TTLL6: variants seen among roughly 807,000 people sequenced by gnomAD.
TTLL6 encodes tubulin tyrosine ligase like 6.
A neutral mutation model predicts 96.4 loss-of-function variants in TTLL6; 75 were observed. The observed-to-expected ratio is 0.78, with a 90% CI of 0.65 to 0.94. The LOEUF (loss-of-function observed/expected upper bound fraction) is 0.94. Among genes scored for constraint, TTLL6 ranks in the 40% least tolerant of loss-of-function variants. The pLI is 0.00. For missense variants in TTLL6, 1,030 were observed against 1,093.0 expected (o/e 0.94, Z 0.81); for synonymous variants, 411 against 419.4 (o/e 0.98, Z 0.24).
At chr17:48,809,311 T>A (rs1346559989) in intron 1 of TTLL6, among the ~76,000 whole-genome samples, 2 of 152,124 alleles carry the variant, frequency 1.3e-5, no homozygotes, top group African/African-American at 4.8e-5. Context: ...GGAACTAAGG[T>A]ACTTGAAATC....
chr17:48,793,637 G>A (rs2039267090), intron 8 of TTLL6, among the ~76,000 whole-genome samples: 1 of 151,934 alleles, frequency 6.6e-6, no homozygotes, highest in South Asian at 2.1e-4. Context: ...TCCATGAAGT[G>A]GATGGCACGG....
chr17:48,790,364 T>C (rs964434574), intron 9 of TTLL6, among the ~76,000 whole-genome samples: 1 of 152,234 alleles, frequency 6.6e-6, no homozygotes, highest in African/African-American at 2.4e-5. Context: ...TTGGTGTGTG[T>C]GTTCCACTCC....
Position 48,814,265 on chromosome 17 carries a change from G to A in TTLL6, c.103+2705C>T, listed in dbSNP as rs934748633. Among the ~76,000 whole-genome samples, 3 of 129,446 alleles carry A rather than the reference G, an allele frequency of 2.3e-5. 1 individual carries two copies. Among genetic ancestry groups the A allele is most frequent in the South Asian group, 4.9e-4 (2 of 4,088 alleles). 84.9% of individuals were successfully genotyped at this position (129,446 alleles called of 152,430 possible). A position where few individuals can be genotyped will look rare whatever the true frequency, so the allele number is the denominator to read the frequency against. The stretch of plus-strand genomic sequence containing the variant: ...ACCTGGGAGGCGGACGTTGCAGTGA[G>A]CCCAGATCGCACCACTGCCCTCCAG... On this transcript the variant is annotated intron_variant, in intron 1 of 15. Transcript: ENST00000393382.
rs373860210 is a variant in TTLL6, at chr17:48,782,342, T to C, written c.2040+2581A>G. Among the ~76,000 whole-genome samples the C allele has an allele frequency of 8.6e-5, 13 of 151,950 alleles. No individual in the cohort carries two copies. In the South Asian group the frequency reaches 2.3e-3, roughly 27 times the overall value. ...GCTAGGTTTTGTATTTTTAGTAGAA[T>C]TGGGGTTTCACCACGTTGGCCAGGC... On this transcript the variant is annotated intron_variant, in intron 13 of 15. Transcript: ENST00000393382.
chr17:48,774,836 G>A (rs1445190254), intron 13 of TTLL6, among the ~76,000 whole-genome samples: 7 of 151,990 alleles, frequency 4.6e-5, no homozygotes, highest in African/African-American at 1.2e-4. Flanking sequence ...ATTTAGATAA[G>A]AAATAATGAC....
chr17:48,787,666 G>C, intron 11 of TTLL6, 145 bp downstream of exon 11: 1 of 716,414 alleles, frequency 1.4e-6, no homozygotes. Context: ...AAAGTGCTAG[G>C]ACTACAGGCG....
At chr17:48,779,011 G>A (rs558079406) in intron 13 of TTLL6, among the ~76,000 whole-genome samples, 1 of 152,066 alleles carries the variant, frequency 6.6e-6, no homozygotes, top group South Asian at 2.1e-4. Context: ...GTGAAAGGGA[G>A]GATCCCTTGA....
In TTLL6 at chr17:48,769,771, G is replaced by A; in HGVS notation, c.2367C>T (p.Phe789=). 1 of 1,614,214 alleles carries A rather than the reference G, an allele frequency of 6.2e-7. No individual in the cohort carries two copies. Among genetic ancestry groups the A allele is most frequent in the Non-Finnish European group, 8.5e-7 (1 of 1,180,050 alleles). The change falls in exon 14 of 16, where the codon TTC becomes TTT. Residue 789 remains phenylalanine, a synonymous_variant. Transcript: ENST00000393382. ...KLQLSGKLSF[F]PAHYNPKLGM... ...CCAGCTTGGGGTTGTAGTGAGCTGG[G>A]AAGAAGGAGAGCTTCCCACTCAGTT...
At position 48,762,800 on chromosome 17, in the gene TTLL6, A is replaced by T; in HGVS notation, c.*174T>A. The T allele has an allele frequency of 4.8e-6, 2 of 418,342 alleles. No individual in the cohort carries two copies. Among genetic ancestry groups the T allele is most frequent in the Admixed American group, 5.6e-5 (2 of 35,746 alleles). The allele number at this position is 418,342 out of a possible 1,614,324, so 25.9% of individuals were successfully genotyped here. A position where few individuals can be genotyped will look rare whatever the true frequency, so the allele number is the denominator to read the frequency against. ...AAGCTAACTGGGAGGGAACAGAGGC[A>T]GGGCTGTTGGCCCCATTGCTGCTAC... On this transcript the variant is annotated 3_prime_UTR_variant, in exon 16 of 16. Coordinates refer to ENST00000393382, the MANE Select transcript of TTLL6 (RefSeq NM_001130918.3).
At chr17:48,794,328 G>A in intron 8 of TTLL6, 1 of 1,601,914 alleles carries the variant, frequency 6.2e-7, no homozygotes, top group Non-Finnish European at 8.5e-7. Context: ...TTAGACTAAG[G>A]AAAAATGACA....
intron 14 of TTLL6, 82 bp downstream of exon 14, chr17:48,769,646 G>T: frequency 6.6e-7 from 1 of 1,505,774 alleles, no homozygotes; most frequent in Non-Finnish European, 8.9e-7. Flanking sequence ...AAGACTGGGA[G>T]CTCCCCAAAG....
chr17:48,801,322 T>A lies in TTLL6; in HGVS notation c.544A>T (p.Ser182Cys). 6.4e-7 allele frequency: 1 copy of A among 1,551,524 alleles called. No individual in the cohort carries two copies. The highest frequency in any genetic ancestry group is 1.7e-4 in the Middle Eastern group (1 of 5,992). ...TTAGGGAACATCTTTAACATGCGGC[T>A]CATGTTCCTGGCCAGCAAGTCCTTC... Reference protein sequence around the residue: ...CRKDLLARNMSRMLKMFPKDF... With the variant: ...CRKDLLARNMCRMLKMFPKDF... The change falls in exon 5 of 16, where the codon AGC becomes TGC. Residue 182 changes from serine (S) to cysteine (C), a missense_variant. Coordinates refer to ENST00000393382, the MANE Select transcript of TTLL6 (RefSeq NM_001130918.3).
intron 1 of TTLL6, 71 bp from the exon 2 acceptor site, chr17:48,805,062 T>A: frequency 7.3e-6 from 9 of 1,236,566 alleles, no homozygotes; most frequent in Non-Finnish European, 1.0e-5. Flanking sequence ...CTCGCTCATG[T>A]GGGTAGAGAC....
chr17:48,795,767 GTAATAAGGGTATGTTTTGGTGTGTGTA>G (rs1398946587), intron 8 of TTLL6, among the ~76,000 whole-genome samples: 1 of 152,206 alleles, frequency 6.6e-6, no homozygotes, highest in Non-Finnish European at 1.5e-5. Flanking sequence ...AGGGCCAACT[GTAATAAGGGTATGTTTTGGTGTGTGTA>G]TATATTCTGC....
chr17:48,771,558 A>G (rs957557605), intron 13 of TTLL6, among the ~76,000 whole-genome samples: 2 of 150,966 alleles, frequency 1.3e-5, no homozygotes, highest in East Asian at 4.0e-4. Flanking sequence ...CTTGAGCCTG[A>G]GAGCTTGAGG....
At chr17:48,796,225 C>T (rs780954886) in intron 7 of TTLL6, 79 bp from the exon 8 acceptor site, 63 of 1,155,186 alleles carry the variant, frequency 5.5e-5, no homozygotes, top group Non-Finnish European at 7.5e-5. Flanking sequence ...CTCCCATGGC[C>T]CCTGGGGCTT....
intron 13 of TTLL6, among the ~76,000 whole-genome samples, chr17:48,783,437 G>GT (rs55869780): frequency 3.4e-5 from 5 of 145,844 alleles, no homozygotes; most frequent in South Asian, 2.2e-4. Flanking sequence ...AAAAAATATT[G>GT]TTTTTTTTTT....
intron 13 of TTLL6, among the ~76,000 whole-genome samples, chr17:48,775,262 A>G (rs2038847616): frequency 6.6e-6 from 1 of 152,092 alleles, no homozygotes. Flanking sequence ...ACGAAAATAG[A>G]AGAAAAAAAA....
intron 1 of TTLL6, among the ~76,000 whole-genome samples, chr17:48,806,890 C>T (rs1454305183): frequency 6.6e-6 from 1 of 151,678 alleles, no homozygotes; most frequent in Non-Finnish European, 1.5e-5. Context: ...ATTAGCCAGG[C>T]ATGGTGGTGC....
Sources: gnomAD v4.1 joint callset for allele counts (sites outside exome capture counted in the v4.1 genomes callset) on GRCh38, gnomAD v4.1.1 for gene constraint, MANE v1.5 for transcripts, NCBI Gene and HGNC (gene_info 2026-07-23, HGNC 2026-07-21) for gene names.